The following CNTNAP2 variants were observed in gnomAD, a reference collection of about 807,000 sequenced individuals.
The protein encoded by CNTNAP2 is contactin-associated protein-like 2.
CNTNAP2 carries 98 observed loss-of-function variants against 155.2 expected under a neutral mutation model. The ratio of observed to expected loss-of-function variants is 0.63; its 90% CI spans 0.54 to 0.75. The LOEUF is 0.75. Among genes scored for constraint, CNTNAP2 ranks in the 30% least tolerant of loss-of-function variants. The probability of loss-of-function intolerance (pLI) is 0.00; values close to 1 mark genes in which losing one functional copy is unlikely to be tolerated. For synonymous variants in CNTNAP2, 651 were observed against 631.2 expected (o/e 1.03, Z -0.47); for missense variants, 1,727 against 1,688.1 (o/e 1.02, Z -0.40).
chr7:146,952,713 A>C (rs564039639), intron 3 of CNTNAP2, among the ~76,000 whole-genome samples: 1 of 152,212 alleles, frequency 6.6e-6, no homozygotes, highest in African/African-American at 2.4e-5. Flanking sequence ...TAAGAATACA[A>C]CTTACAAGGG....
intron 12 of CNTNAP2, among the ~76,000 whole-genome samples, chr7:147,633,520 G>A (rs558552547): frequency 5.9e-4 from 90 of 152,226 alleles, no homozygotes; most frequent in Middle Eastern, 3.4e-3. Flanking sequence ...TTTGAATTGT[G>A]AGGTCATGAG....
chr7:147,809,863 G>A (rs995470734), intron 13 of CNTNAP2, among the ~76,000 whole-genome samples: 5 of 152,170 alleles, frequency 3.3e-5, no homozygotes, highest in South Asian at 2.1e-4. Flanking sequence ...CTTCATTCCC[G>A]TGTGAGGTGC....
intron 13 of CNTNAP2, chr7:147,704,414 C>A: frequency 6.1e-6 from 1 of 163,400 alleles, no homozygotes. Flanking sequence ...GACCAGCAAA[C>A]CAAGCAATTC....
chr7:147,049,211 C>T (rs531378639), intron 4 of CNTNAP2, among the ~76,000 whole-genome samples: 10 of 152,128 alleles, frequency 6.6e-5, no homozygotes, highest in Admixed American at 1.3e-4. Flanking sequence ...CTTTGAAGGA[C>T]GCATTCATAC....
intron 1 of CNTNAP2, among the ~76,000 whole-genome samples, chr7:146,440,546 T>G (rs1460977092): frequency 5.3e-5 from 8 of 151,500 alleles, no homozygotes; most frequent in Non-Finnish European, 1.0e-4. Context: ...ATGTGAAAAT[T>G]TAAAGTCACA....
chr7:147,566,315 A>T (rs1800169215), intron 12 of CNTNAP2, among the ~76,000 whole-genome samples: 1 of 104,590 alleles, frequency 9.6e-6, no homozygotes, highest in Admixed American at 1.2e-4. Context: ...GAGGAGTAAG[A>T]GGAGGAGGAG....
chr7:147,326,594 G>C (rs866886751), intron 9 of CNTNAP2, among the ~76,000 whole-genome samples: 2 of 152,170 alleles, frequency 1.3e-5, no homozygotes, highest in Non-Finnish European at 2.9e-5. Context: ...TTAAATTTTA[G>C]AGGGACTGCT....
intron 4 of CNTNAP2, 83 bp downstream of exon 4, chr7:147,044,137 T>C: frequency 6.6e-7 from 1 of 1,505,764 alleles, no homozygotes; most frequent in Non-Finnish European, 9.2e-7. Flanking sequence ...TATTTAACAT[T>C]ACTTGCTTTC....
At chr7:146,771,288 G>A (rs1260035910) in intron 1 of CNTNAP2, among the ~76,000 whole-genome samples, 1 of 152,122 alleles carries the variant, frequency 6.6e-6, no homozygotes, top group East Asian at 1.9e-4. Context: ...TCAGTGCTTG[G>A]CAGTTGATGC....
intron 18 of CNTNAP2, among the ~76,000 whole-genome samples, chr7:148,204,878 C>T (rs575810998): frequency 3.3e-4 from 50 of 152,292 alleles, no homozygotes; most frequent in African/African-American, 1.1e-3. Context: ...GTAAACTACT[C>T]CTGTAAGCCT....
chr7:146,495,155 G>C lies in CNTNAP2; in HGVS notation c.98-279116G>C, dbSNP rs570639022. Reference sequence around the variant, plus strand: ...TAAGCCTGTGATGCCGGCTAGGCAGGTCAGCTCCTCTGGGACCCTAGTTAC... The same window carrying C: ...TAAGCCTGTGATGCCGGCTAGGCAGCTCAGCTCCTCTGGGACCCTAGTTAC... On this transcript the variant is annotated intron_variant, in intron 1 of 23. Coordinates refer to ENST00000361727, the MANE Select transcript of CNTNAP2 (RefSeq NM_014141.6). Among the ~76,000 whole-genome samples, 46 of 152,300 alleles carry C rather than the reference G, an allele frequency of 3.0e-4. 1 individual carries two copies. In the South Asian group the frequency reaches 8.9e-3, roughly 30 times the overall value.
chr7:148,296,113 A>G (rs1186062480), intron 21 of CNTNAP2, among the ~76,000 whole-genome samples: 1 of 152,202 alleles, frequency 6.6e-6, no homozygotes, highest in Non-Finnish European at 1.5e-5. Flanking sequence ...CAATGAGCCA[A>G]AAACTCTCTC....
chr7:148,060,649 T>A (rs1418363498), intron 15 of CNTNAP2, among the ~76,000 whole-genome samples: 7 of 152,234 alleles, frequency 4.6e-5, no homozygotes, highest in African/African-American at 1.7e-4. Flanking sequence ...AAATTCTGTA[T>A]GCATATTTTA....
chr7:147,365,640 C>T (rs1796217694), intron 9 of CNTNAP2, among the ~76,000 whole-genome samples: 1 of 151,974 alleles, frequency 6.6e-6, no homozygotes, highest in Non-Finnish European at 1.5e-5. Flanking sequence ...TCTTTACTCA[C>T]CTCTTAGATA....
intron 1 of CNTNAP2, among the ~76,000 whole-genome samples, chr7:146,146,934 G>A (rs1327291213): frequency 6.6e-6 from 1 of 152,122 alleles, no homozygotes; most frequent in African/African-American, 2.4e-5. Context: ...ATGGTGCGAA[G>A]TCTTTCTGTC....
intron 10 of CNTNAP2, among the ~76,000 whole-genome samples, chr7:147,455,493 T>A (rs959820831): frequency 3.9e-5 from 6 of 152,108 alleles, no homozygotes; most frequent in Admixed American, 3.3e-4. Flanking sequence ...TTCTCTAAGA[T>A]GTACATCTAC....
intron 11 of CNTNAP2, among the ~76,000 whole-genome samples, chr7:147,551,828 A>C (rs1266593460): frequency 6.6e-6 from 1 of 152,174 alleles, no homozygotes; most frequent in Non-Finnish European, 1.5e-5. Flanking sequence ...TTTAACTCTG[A>C]CTGAAGAGCT....
At chr7:146,196,006 C>T (rs914210084) in intron 1 of CNTNAP2, among the ~76,000 whole-genome samples, 3 of 152,178 alleles carry the variant, frequency 2.0e-5, no homozygotes, top group African/African-American at 7.2e-5. Context: ...CACCTCTAGA[C>T]TGGAATTGAC....
chr7:147,504,749 A>C (rs1324095073), intron 11 of CNTNAP2, among the ~76,000 whole-genome samples: 1 of 150,950 alleles, frequency 6.6e-6, no homozygotes, highest in Non-Finnish European at 1.5e-5. Context: ...TAAATTTTGG[A>C]GTTATAATCA....
Sources: gnomAD v4.1 joint callset for allele counts (sites outside exome capture counted in the v4.1 genomes callset) on GRCh38, gnomAD v4.1.1 for gene constraint, MANE v1.5 for transcripts, NCBI Gene and HGNC (gene_info 2026-07-23, HGNC 2026-07-21) for gene names.